The following TMEM266 variants were observed in gnomAD, a reference collection of about 807,000 sequenced individuals.
TMEM266 encodes transmembrane protein 266.
Under a neutral mutation model 50.5 loss-of-function variants are expected in TMEM266, and 33 were observed. The ratio of observed to expected loss-of-function variants is 0.65; its 90% CI spans 0.50 to 0.87. TMEM266 has a LOEUF of 0.87. Among genes scored for constraint, TMEM266 ranks in the 40% least tolerant of loss-of-function variants. TMEM266 has a pLI of 0.00. For synonymous variants in TMEM266, 310 were observed against 292.3 expected (o/e 1.06, Z -0.62); for missense variants, 655 against 695.1 (o/e 0.94, Z 0.65).
At chr15:76,171,858 G>A (rs2038193582) in intron 7 of TMEM266, among the ~76,000 whole-genome samples, 1 of 152,218 alleles carries the variant, frequency 6.6e-6, no homozygotes, top group Non-Finnish European at 1.5e-5. Context: ...ACAGACCAGA[G>A]TGAGTGGCCC....
chr15:76,090,531 G>A (rs1249332772), intron 1 of TMEM266, among the ~76,000 whole-genome samples: 1 of 151,214 alleles, frequency 6.6e-6, no homozygotes, highest in East Asian at 1.9e-4. Flanking sequence ...AAAAAGTTGG[G>A]AAAAGAATGC....
intron 1 of TMEM266, among the ~76,000 whole-genome samples, chr15:76,078,165 A>G (rs2036631815): frequency 6.6e-6 from 1 of 152,070 alleles, no homozygotes; most frequent in Admixed American, 6.5e-5. Flanking sequence ...GTGGTGCTGG[A>G]GACAAAAGCT....
chr15:76,188,480 G>A (rs2038521032), intron 8 of TMEM266, among the ~76,000 whole-genome samples: 1 of 152,208 alleles, frequency 6.6e-6, no homozygotes, highest in Middle Eastern at 3.2e-3. Context: ...GCACATGCCT[G>A]TAGTCCCAGC....
intron 1 of TMEM266, among the ~76,000 whole-genome samples, chr15:76,126,853 A>G (rs2037431741): frequency 6.6e-6 from 1 of 152,074 alleles, no homozygotes; most frequent in Non-Finnish European, 1.5e-5. Context: ...TTTTTTTAAA[A>G]GAAAAGTTGA....
At chr15:76,194,776 T>C (rs2038630471) in intron 9 of TMEM266, among the ~76,000 whole-genome samples, 1 of 152,190 alleles carries the variant, frequency 6.6e-6, no homozygotes, top group Non-Finnish European at 1.5e-5. Context: ...GGTCTAGATT[T>C]CCCTTTTTTA....
intron 1 of TMEM266, among the ~76,000 whole-genome samples, chr15:76,132,250 A>G (rs2037519756): frequency 6.6e-6 from 1 of 151,860 alleles, no homozygotes; most frequent in African/African-American, 2.4e-5. Flanking sequence ...CTGGGACTAC[A>G]GGCGTCTGCC....
intron 8 of TMEM266, chr15:76,181,096 A>G (rs2038397104): frequency 6.6e-6 from 1 of 152,220 alleles, no homozygotes; most frequent in South Asian, 2.1e-4. Flanking sequence ...CTTATATAAC[A>G]GATGAAAGGT....
At chr15:76,166,374 T>C (rs2038097309) in intron 5 of TMEM266, among the ~76,000 whole-genome samples, 1 of 152,186 alleles carries the variant, frequency 6.6e-6, no homozygotes, top group African/African-American at 2.4e-5. Flanking sequence ...CAGCGGCCTC[T>C]TGCTATTCTG....
chr15:76,176,889 G>A (rs762709538), intron 8 of TMEM266, among the ~76,000 whole-genome samples: 3 of 152,188 alleles, frequency 2.0e-5, no homozygotes, highest in Middle Eastern at 3.4e-3. Context: ...CCGTCCTATC[G>A]ACCTCCTCTC....
At position 76,183,103 on chromosome 15, in the gene TMEM266, C is replaced by CTTTTTTTTTTTTTTT. The variant is rs71140199; in HGVS notation, c.768+7445_768+7459dup. Among the ~76,000 whole-genome samples, 9 of 44,168 alleles carry CTTTTTTTTTTTTTTT rather than the reference C, an allele frequency of 2.0e-4. 1 individual carries two copies. The highest frequency in any genetic ancestry group is 9.5e-4 in the Admixed American group (2 of 2,104). The allele number at this position is 44,168 out of a possible 152,430, so 29.0% of individuals were successfully genotyped here. On this transcript the variant is annotated intron_variant, in intron 8 of 10. Transcript: ENST00000388942. ...CCTCCAGGCTGCTTCCATTTTGTGG[C>CTTTTTTTTTTTTTTT]TTTTTTTTTTTTTTTTTTTTTTTTT...
In TMEM266 at chr15:76,116,903, T is replaced by A. The variant is rs540930508; in HGVS notation, c.-96-17265T>A. On this transcript the variant is annotated intron_variant, in intron 1 of 10. Transcript: ENST00000388942. ...AACAGTAAAGCATATCTTCTTTTTT[T>A]TTTTTTTTTTTTTGAGACGGAGTTT... 2.0e-5 allele frequency among the ~76,000 whole-genome samples: 3 copies of A among 150,536 alleles called. No individual in the cohort carries two copies. The South Asian group carries it at 6.3e-4, about 32-fold the overall frequency.
intron 9 of TMEM266, among the ~76,000 whole-genome samples, chr15:76,192,409 C>G (rs1342908212): frequency 6.6e-6 from 1 of 152,240 alleles, no homozygotes; most frequent in African/African-American, 2.4e-5. Flanking sequence ...CCTGTGGCCA[C>G]TGGCGTGCGT....
chr15:76,167,516 G>GTT (rs2038116113), intron 5 of TMEM266, among the ~76,000 whole-genome samples: 1 of 150,986 alleles, frequency 6.6e-6, no homozygotes, highest in Non-Finnish European at 1.5e-5. Flanking sequence ...GTGTGTGTGT[G>GTT]TTTTGGAGAC....
chr15:76,147,613 A>G (rs942351781), intron 3 of TMEM266, among the ~76,000 whole-genome samples: 5 of 152,234 alleles, frequency 3.3e-5, no homozygotes, highest in African/African-American at 9.6e-5. Context: ...TTCAAGGAGA[A>G]TTCTTGATGC....
intron 9 of TMEM266, among the ~76,000 whole-genome samples, chr15:76,192,453 CGGA>C (rs1160094481): frequency 6.6e-6 from 1 of 152,138 alleles, no homozygotes. Flanking sequence ...TCGCGGTAGC[CGGA>C]GGAGGAGGTG....
chr15:76,191,243 CAAT>C (rs1203642752), intron 8 of TMEM266, among the ~76,000 whole-genome samples: 12 of 152,220 alleles, frequency 7.9e-5, no homozygotes, highest in Admixed American at 1.3e-4. Flanking sequence ...ATTAAATACA[CAAT>C]AATATCAGAA....
Position 76,202,284 on chromosome 15 carries a change from G to T in TMEM266, c.1021+20G>T. 1 of 1,601,842 alleles carries T rather than the reference G, an allele frequency of 6.2e-7. No homozygotes were observed. Among genetic ancestry groups the T allele is most frequent in the Non-Finnish European group, 8.5e-7 (1 of 1,172,566 alleles). ...GCAGTGGTAAGTCTGGGTTGGGGCT[G>T]TTCTACATGTGCCACAACCCCAGCA... On this transcript the variant is annotated intron_variant, in intron 10 of 10. Transcript: ENST00000388942.
intron 7 of TMEM266, among the ~76,000 whole-genome samples, chr15:76,173,486 G>A (rs1469320226): frequency 6.6e-6 from 1 of 152,212 alleles, no homozygotes; most frequent in Admixed American, 6.5e-5. Flanking sequence ...AGGTGTCCGT[G>A]GGACTACTGC....
Position 76,143,364 on chromosome 15 carries a change from G to T in TMEM266, c.227+5469G>T, listed in dbSNP as rs369793216. On this transcript the variant is annotated intron_variant, in intron 3 of 10. Transcript: ENST00000388942. ...TCTGCTGCAGTCCAGCTTCAGCCTCGTCCACACCATGGAAACTGTTCTCAA... is the reference window on the plus strand; with the variant it reads ...TCTGCTGCAGTCCAGCTTCAGCCTCTTCCACACCATGGAAACTGTTCTCAA... Among the ~76,000 whole-genome samples, 10 of 151,970 alleles carry T rather than the reference G, an allele frequency of 6.6e-5. No homozygotes were observed. The East Asian group carries it at 1.7e-3, about 26-fold the overall frequency.
Sources: gnomAD v4.1 joint callset for allele counts (sites outside exome capture counted in the v4.1 genomes callset) on GRCh38, gnomAD v4.1.1 for gene constraint, MANE v1.5 for transcripts, NCBI Gene and HGNC (gene_info 2026-07-23, HGNC 2026-07-21) for gene names.